The following IFT88 variants were observed in gnomAD, a reference collection of about 807,000 sequenced individuals.
IFT88 encodes the protein intraflagellar transport protein 88 homolog.
IFT88 carries 74 observed loss-of-function variants against 119.5 expected under a neutral mutation model. The ratio of observed to expected loss-of-function variants is 0.62; its 90% confidence interval spans 0.51 to 0.75. The LOEUF is 0.75. Ranked by LOEUF, IFT88 falls within the 30% of genes least tolerant of loss-of-function variation. IFT88 has a pLI of 0.00. For synonymous variants in IFT88, 279 were observed against 316.7 expected, an observed-to-expected ratio of 0.88 and a Z score of 1.26; for missense variants, 961 against 977.7, an observed-to-expected ratio of 0.98 and a Z score of 0.23.
In IFT88 at chr13:20,631,082, C is replaced by A; in HGVS notation, c.1366C>A (p.Leu456Ile). ...AGTGAAAAGTGCAGCTGCAACCAAT[C>A]TCTCAGCCCTGTATTATATGGTAAG... ...SRVKSAAATNLSALYYMGKDF... is the reference protein window; with the variant it reads ...SRVKSAAATNISALYYMGKDF... Residue 456 changes from leucine (L) to isoleucine (I), a missense_variant, in exon 16 of 26, where the codon CTC (leucine) becomes ATC (isoleucine). Transcript: ENST00000351808. The A allele has an allele frequency of 6.2e-7, 1 of 1,601,000 alleles. No individual in the cohort carries two copies.
intron 3 of IFT88, among the ~76,000 whole-genome samples, chr13:20,584,147 C>G (rs1312937559): frequency 1.3e-5 from 1 of 76,606 alleles, no homozygotes; most frequent in Non-Finnish European, 2.8e-5. Flanking sequence ...GGATGAATCT[C>G]TATTTCTGTA....
At chr13:20,643,033 A>C (rs2050205068) in intron 18 of IFT88, 1 of 149,990 alleles carries the variant, frequency 6.7e-6, no homozygotes, top group Non-Finnish European at 1.5e-5. Flanking sequence ...AAAAAAAAAA[A>C]ACAACACTGT....
At chr13:20,662,766 T>G (rs2054028518) in intron 22 of IFT88, among the ~76,000 whole-genome samples, 1 of 152,232 alleles carries the variant, frequency 6.6e-6, no homozygotes, top group African/African-American at 2.4e-5. Flanking sequence ...TATTGCATGT[T>G]TTTAAAATGT....
chr13:20,682,736 T>C lies in IFT88; in HGVS notation c.2243-7969T>C, dbSNP rs549866424. 2.0e-5 allele frequency among the ~76,000 whole-genome samples: 3 copies of C among 152,322 alleles called. No homozygotes were observed. In the South Asian group the frequency reaches 6.2e-4, roughly 32 times the overall value. Reference sequence around the variant, plus strand: ...CAAAGAATATCATCTATATAATGAATAATGTAACACTGTGAAAATTTTTTA... The same window carrying C: ...CAAAGAATATCATCTATATAATGAACAATGTAACACTGTGAAAATTTTTTA... On this transcript the variant is annotated intron_variant, in intron 24 of 25. Transcript: ENST00000351808.
intron 11 of IFT88, among the ~76,000 whole-genome samples, chr13:20,601,075 AGAC>A (rs2139103738): frequency 6.6e-6 from 1 of 152,328 alleles, no homozygotes; most frequent in South Asian, 2.1e-4. Context: ...GACAGAAAAT[AGAC>A]TAATGGGCCG....
chr13:20,644,938 T>G lies in IFT88; in HGVS notation c.1929T>G (p.Phe643Leu), dbSNP rs759762441. 2 of 1,557,490 alleles carry G rather than the reference T, an allele frequency of 1.3e-6. No homozygotes were observed. Among genetic ancestry groups the G allele is most frequent in the Non-Finnish European group, 1.8e-6 (2 of 1,131,198 alleles). Residue 643 changes from phenylalanine to leucine, a missense_variant, in exon 20 of 26, where the codon TTT becomes TTG. Coordinates refer to ENST00000351808, the MANE Select transcript of IFT88 (RefSeq NM_006531.5). ...TQFWEKAIQY[F>L]ERASLIQPTQ... ...TTTGGGAAAAAGCTATTCAGTACTT[T>G]GAAAGAGCTTCTCTTATACAGTAAG...
At chr13:20,595,647 A>G (rs537430010) in intron 7 of IFT88, among the ~76,000 whole-genome samples, 18 of 152,304 alleles carry the variant, frequency 1.2e-4, no homozygotes, top group African/African-American at 4.3e-4. Context: ...TACATGATGT[A>G]GTTGTTAAAA....
In IFT88 at chr13:20,598,767, A is replaced by G. The variant is rs1274546572; in HGVS notation, c.697+14A>G. The stretch of plus-strand genomic sequence containing the variant: ...TTAGCAATGCAGGTAAGTGTACATA[A>G]TCAGTTTTTCCAATAGATGTAATTC... On this transcript the variant is annotated intron_variant, in intron 10 of 25. Transcript: ENST00000351808. 5 of 1,468,774 alleles carry G rather than the reference A, an allele frequency of 3.4e-6. No individual in the cohort carries two copies. Among genetic ancestry groups the G allele is most frequent in the Non-Finnish European group, 4.8e-6 (5 of 1,052,148 alleles). The allele number at this position is 1,468,774 out of a possible 1,614,324, so 91.0% of individuals were successfully genotyped here.
intron 23 of IFT88, among the ~76,000 whole-genome samples, chr13:20,666,808 C>T (rs8000267): frequency 0.99 from 150,608 of 152,350 alleles, 74,463 homozygotes; most frequent in East Asian, 1. Flanking sequence ...TTAATCCAAA[C>T]AAAAATATAT....
chr13:20,643,399 T>A, intron 18 of IFT88, 56 bp from the exon 19 acceptor site: 1 of 1,346,392 alleles, frequency 7.4e-7, no homozygotes. Context: ...TTTTTAAGTT[T>A]GCTTATTGCT....
intron 20 of IFT88, among the ~76,000 whole-genome samples, chr13:20,652,880 A>G (rs1003097927): frequency 6.6e-6 from 1 of 152,206 alleles, no homozygotes; most frequent in Non-Finnish European, 1.5e-5. Context: ...ATGGTGGTGT[A>G]TACAAAAGCC....
intron 4 of IFT88, 47 bp downstream of exon 4, chr13:20,589,914 A>G (rs772869740): frequency 1.7e-6 from 2 of 1,146,836 alleles, no homozygotes; most frequent in Non-Finnish European, 2.6e-6. Flanking sequence ...TTCTCATACA[A>G]TAGTTCACTT....
At chr13:20,629,253 A>C (rs1164974982) in intron 15 of IFT88, among the ~76,000 whole-genome samples, 1 of 152,194 alleles carries the variant, frequency 6.6e-6, no homozygotes, top group Non-Finnish European at 1.5e-5. Flanking sequence ...CTAGAGATTC[A>C]AAACAGTGGT....
chr13:20,683,800 C>G (rs2057590249), intron 24 of IFT88, among the ~76,000 whole-genome samples: 1 of 152,180 alleles, frequency 6.6e-6, no homozygotes, highest in South Asian at 2.1e-4. Context: ...ATTAATTTCA[C>G]TTTTTCCCAT....
At chr13:20,628,657 C>T (rs554612364) in intron 15 of IFT88, among the ~76,000 whole-genome samples, 1 of 152,170 alleles carries the variant, frequency 6.6e-6, no homozygotes, top group South Asian at 2.1e-4. Context: ...CCCGAGTGTT[C>T]CTTTTATTAG....
At chr13:20,588,399 T>G (rs2040095876) in intron 3 of IFT88, among the ~76,000 whole-genome samples, 1 of 152,188 alleles carries the variant, frequency 6.6e-6, no homozygotes, top group Non-Finnish European at 1.5e-5. Context: ...CTGAGTTTCT[T>G]TCTATTCTTT....
chr13:20,643,002 G>T (rs1321345521), intron 18 of IFT88: 1 of 135,394 alleles, frequency 7.4e-6, no homozygotes, highest in South Asian at 2.5e-4. Flanking sequence ...GACTTAGTAG[G>T]TACTAAAAGG....
chr13:20,649,899 G>GT (rs1472121090), intron 20 of IFT88, among the ~76,000 whole-genome samples: 1 of 152,096 alleles, frequency 6.6e-6, no homozygotes, highest in Non-Finnish European at 1.5e-5. Flanking sequence ...GGTCAAATTT[G>GT]TAGAAACACA....
chr13:20,633,661 A>G (rs970504523), intron 16 of IFT88, among the ~76,000 whole-genome samples: 2 of 152,238 alleles, frequency 1.3e-5, no homozygotes, highest in African/African-American at 4.8e-5. Context: ...AGAAGCAAAG[A>G]GAATTGTTAG....
Sources: gnomAD v4.1 joint callset for allele counts (sites outside exome capture counted in the v4.1 genomes callset) on GRCh38, gnomAD v4.1.1 for gene constraint, MANE v1.5 for transcripts, NCBI Gene and HGNC (gene_info 2026-07-23, HGNC 2026-07-21) for gene names.